Variants in MGRN1 observed in about 807,000 individuals in gnomAD.
The protein encoded by MGRN1 is mahogunin ring finger 1.
In MGRN1, 29 loss-of-function variants were observed where a neutral mutation model predicts 69.2. The observed-to-expected ratio is 0.42, with a 90% confidence interval of 0.31 to 0.57. MGRN1 has a LOEUF of 0.57. MGRN1 is among the 20% of genes least tolerant of loss of function. The pLI is 0.15. For synonymous variants in MGRN1, 470 were observed against 344.2 expected, an observed-to-expected ratio of 1.37 and a Z score of -4.04; for missense variants, 998 against 796.2, an observed-to-expected ratio of 1.25 and a Z score of -3.05.
At chr16:4,671,082 G>A (rs2078926956) in intron 8 of MGRN1, among the ~76,000 whole-genome samples, 1 of 152,172 alleles carries the variant, frequency 6.6e-6, no homozygotes, top group Non-Finnish European at 1.5e-5. Context: ...CGTGGGGCTG[G>A]TGGTGGTGGA....
intron 16 of MGRN1, chr16:4,687,364 C>T: frequency 2.1e-6 from 2 of 936,266 alleles, no homozygotes; most frequent in Non-Finnish European, 2.5e-6. Flanking sequence ...GTGTAGAAAA[C>T]ATAGACCCCC....
chr16:4,647,708 G>C (rs1005062852), intron 1 of MGRN1, among the ~76,000 whole-genome samples: 1 of 152,190 alleles, frequency 6.6e-6, no homozygotes, highest in African/African-American at 2.4e-5. Flanking sequence ...GTCTGGATCA[G>C]CTTGGTTCCA....
At chr16:4,688,516 G>A (rs1026295374) in intron 16 of MGRN1, 8 of 1,215,238 alleles carry the variant, frequency 6.6e-6, no homozygotes, top group Admixed American at 8.0e-5. Flanking sequence ...GGCATCCACC[G>A]CGGTGCCGTG....
chr16:4,649,499 G>C (rs117597710), intron 1 of MGRN1: 1 of 152,208 alleles, frequency 6.6e-6, no homozygotes, highest in Non-Finnish European at 1.5e-5. Context: ...GCTTGTGGCC[G>C]CATCACTGCA....
chr16:4,675,592 G>C lies in MGRN1; in HGVS notation c.956-1871G>C, dbSNP rs1210976757. ...CATCTGTACAAAAAGTTAAAAGTTA[G>C]CCAGATGTGTTGGCTATAGTACCAG... is the stretch of plus-strand genomic sequence containing the variant. On this transcript the variant is annotated intron_variant, in intron 10 of 16. Transcript: ENST00000262370. 3.9e-5 allele frequency among the ~76,000 whole-genome samples: 6 copies of C among 152,240 alleles called. No individual in the cohort carries two copies. In the East Asian group the frequency reaches 9.7e-4, roughly 25 times the overall value.
Position 4,667,772 on chromosome 16 carries a change from G to A in MGRN1, c.679-493G>A, listed in dbSNP as rs538090418. ...CCGCCGGGTGTGCTTGTTCTATTTC[G>A]TTCCTGCGTTTTTAGAGCTTTGCGG... On this transcript the variant is annotated intron_variant, in intron 7 of 16. Transcript: ENST00000262370. Among the ~76,000 whole-genome samples, 27 of 152,348 alleles carry A rather than the reference G, an allele frequency of 1.8e-4. No individual in the cohort carries two copies. In the East Asian group the frequency reaches 2.3e-3, roughly 13 times the overall value.
At chr16:4,641,342 A>AT (rs113461080) in intron 1 of MGRN1, among the ~76,000 whole-genome samples, 7,697 of 149,074 alleles carry the variant, frequency 0.052, 638 homozygotes, top group African/African-American at 0.18. Context: ...GAGCAATAGG[A>AT]TTTTTTTTTT....
At position 4,652,003 on chromosome 16, in the gene MGRN1, C is replaced by T. The variant is rs755124130; in HGVS notation, c.248C>T (p.Thr83Met). The change falls in exon 3 of 17, where the codon ACG (threonine) becomes ATG (methionine). Residue 83 changes from threonine to methionine, a missense_variant. Transcript: ENST00000262370. ...VTPAPHEPVK[T>M]LRSLVNIRKD... The stretch of plus-strand genomic sequence containing the variant: ...CCTGCCCCCCACGAGCCCGTGAAGA[C>T]GCTGCGGAGCCTGGTGAACATCCGC... 68 of 1,613,918 alleles carry T rather than the reference C, an allele frequency of 4.2e-5. No individual in the cohort carries two copies. The highest frequency in any genetic ancestry group is 2.0e-4 in the East Asian group (9 of 44,884).
rs774484242 is a variant in MGRN1, at chr16:4,657,395, G to C, written c.561+32G>C. On this transcript the variant is annotated intron_variant, in intron 5 of 16. Coordinates refer to ENST00000262370, the MANE Select transcript of MGRN1 (RefSeq NM_015246.4). ...CTGGCTGGGCGGCTCCTTGCCCTTCGCTCCTCCTGAATTCTCTCCCCTTGG... is the reference window on the plus strand; with the variant it reads ...CTGGCTGGGCGGCTCCTTGCCCTTCCCTCCTCCTGAATTCTCTCCCCTTGG... The C allele has an allele frequency of 3.2e-6, 5 of 1,587,076 alleles. No individual in the cohort carries two copies. In the South Asian group the frequency reaches 3.3e-5, roughly 11 times the overall value.
intron 1 of MGRN1, among the ~76,000 whole-genome samples, chr16:4,637,258 C>G (rs893870531): frequency 6.6e-6 from 1 of 151,632 alleles, no homozygotes; most frequent in South Asian, 2.1e-4. Flanking sequence ...GGTGAAACCC[C>G]GTCTCTACTA....
chr16:4,649,087 T>A (rs967800823), intron 1 of MGRN1: 2 of 153,048 alleles, frequency 1.3e-5, no homozygotes, highest in South Asian at 2.0e-4. Context: ...CCCCTCCTCA[T>A]AGGAGAAGCG....
intron 2 of MGRN1, 104 bp downstream of exon 2, chr16:4,650,587 CT>C: frequency 1.1e-6 from 1 of 883,378 alleles, no homozygotes; most frequent in Non-Finnish European, 1.7e-6. Context: ...CAAATCACCC[CT>C]AAAGGGGGCA....
chr16:4,675,100 G>C (rs1256213259), intron 10 of MGRN1, among the ~76,000 whole-genome samples: 1 of 152,102 alleles, frequency 6.6e-6, no homozygotes, highest in Non-Finnish European at 1.5e-5. Context: ...AGCCTCCTGA[G>C]TTGCTGGGAT....
chr16:4,652,624 C>A, intron 3 of MGRN1, 54 bp from the exon 4 acceptor site: 1 of 1,554,636 alleles, frequency 6.4e-7, no homozygotes, highest in Admixed American at 1.9e-5. Context: ...GAGGAGGCAG[C>A]CTCCGCAGAT....
chr16:4,649,902 A>G (rs1075444), intron 1 of MGRN1: 20,612 of 155,990 alleles, frequency 0.13, 3,092 homozygotes, highest in African/African-American at 0.38. Context: ...TATGAGGGGC[A>G]CCCGCTGGCC....
In MGRN1 at chr16:4,688,884, C is replaced by T. The variant is rs376498162; in HGVS notation, c.1707C>T (p.Ser569=). The change falls in exon 17 of 17, where the codon AGC becomes AGT. Residue 569 remains serine (S), a synonymous_variant. Transcript: ENST00000262370. ...TTGGTGGCCCCAGCCCCGATCCCAGCGCCGCCGAGCTGACCCCACTCTGAG... is the reference window on the plus strand; with the variant it reads ...TTGGTGGCCCCAGCCCCGATCCCAGTGCCGCCGAGCTGACCCCACTCTGAG... The part of the protein sequence containing the change: ...PPLGGPSPDP[S]AAELTPL 3,844 of 1,551,170 alleles carry T rather than the reference C, an allele frequency of 2.5e-3. 6 individuals carry two copies. Among genetic ancestry groups the T allele is most frequent in the South Asian group, 3.4e-3 (283 of 84,370 alleles).
chr16:4,660,756 G>C (rs1169568296), intron 5 of MGRN1, among the ~76,000 whole-genome samples: 5 of 147,438 alleles, frequency 3.4e-5, no homozygotes, highest in African/African-American at 9.7e-5. Context: ...GCAACCCTGG[G>C]ACGATGACTC....
intron 1 of MGRN1, among the ~76,000 whole-genome samples, chr16:4,647,822 C>T (rs1488697277): frequency 6.6e-6 from 1 of 152,138 alleles, no homozygotes; most frequent in Non-Finnish European, 1.5e-5. Context: ...GGTCCCTGTT[C>T]TGCATGCTGG....
chr16:4,678,028 T>C (rs907232554), intron 11 of MGRN1, among the ~76,000 whole-genome samples: 4 of 152,024 alleles, frequency 2.6e-5, no homozygotes, highest in Admixed American at 6.6e-5. Context: ...TTTGTATTTT[T>C]AGTAAGGTGG....
Sources: allele counts gnomAD v4.1 joint callset (sites outside exome capture counted in the v4.1 genomes callset), GRCh38; gene constraint gnomAD v4.1.1; transcripts MANE v1.5; gene names NCBI Gene and HGNC (gene_info 2026-07-23, HGNC 2026-07-21).